Variants in WWOX observed in about 807,000 individuals in gnomAD.
WWOX encodes the protein WW domain containing oxidoreductase, also known as WW domain-containing oxidoreductase.
In WWOX, 69 loss-of-function variants were observed where a neutral mutation model predicts 46.2. That is an observed-to-expected ratio of 1.49 (90% CI 1.23 to 1.82). The LOEUF (loss-of-function observed/expected upper bound fraction) is 1.82, where lower values mean the gene tolerates loss of function less well. Ranked by LOEUF, WWOX falls within the 40% of genes most tolerant of loss-of-function variation. WWOX has a pLI of 0.00. For missense variants in WWOX, 919 were observed against 542.6 expected, an observed-to-expected ratio of 1.69 and a Z score of -6.89; for synonymous variants, 359 against 202.6, an observed-to-expected ratio of 1.77 and a Z score of -6.56.
chr16:78,216,657 C>A (rs191346815), intron 5 of WWOX, among the ~76,000 whole-genome samples: 1 of 149,708 alleles, frequency 6.7e-6, no homozygotes, highest in Non-Finnish European at 1.5e-5. Flanking sequence ...TCTTCTCCTG[C>A]TTTTTTTTTT....
intron 8 of WWOX, among the ~76,000 whole-genome samples, chr16:78,626,718 A>G (rs1410155969): frequency 6.6e-6 from 1 of 151,648 alleles, no homozygotes; most frequent in African/African-American, 2.4e-5. Flanking sequence ...TAATGTTCTC[A>G]CTCTTCGAGG....
chr16:78,733,488 C>A (rs1384562519), intron 8 of WWOX, among the ~76,000 whole-genome samples: 1 of 151,212 alleles, frequency 6.6e-6, no homozygotes, highest in Non-Finnish European at 1.5e-5. Context: ...TGGCTCATGC[C>A]TGTAATCCCA....
chr16:78,434,193 T>G (rs1346635298), intron 8 of WWOX, among the ~76,000 whole-genome samples: 1 of 150,454 alleles, frequency 6.6e-6, no homozygotes, highest in Admixed American at 6.6e-5. Context: ...TTAGGCAGAG[T>G]AAACAGACAT....
At chr16:78,179,346 T>C (rs989907553) in intron 5 of WWOX, among the ~76,000 whole-genome samples, 1 of 152,180 alleles carries the variant, frequency 6.6e-6, no homozygotes, top group African/African-American at 2.4e-5. Flanking sequence ...CATTTGGGTA[T>C]ATTGTGGTTG....
intron 8 of WWOX, among the ~76,000 whole-genome samples, chr16:79,132,566 T>C (rs2049901988): frequency 1.3e-5 from 2 of 152,216 alleles, no homozygotes; most frequent in South Asian, 4.1e-4. Context: ...AGCAGCAACC[T>C]TTCCATTTGC....
At chr16:78,362,504 G>A (rs2081432997) in intron 5 of WWOX, among the ~76,000 whole-genome samples, 1 of 152,082 alleles carries the variant, frequency 6.6e-6, no homozygotes, top group East Asian at 1.9e-4. Flanking sequence ...AGGTACTCGG[G>A]AGGCTGAGGC....
At chr16:79,103,311 C>G (rs2049240608) in intron 8 of WWOX, among the ~76,000 whole-genome samples, 1 of 152,190 alleles carries the variant, frequency 6.6e-6, no homozygotes, top group Non-Finnish European at 1.5e-5. Flanking sequence ...GACTGTTCTC[C>G]TCCCAGCACA....
intron 8 of WWOX, among the ~76,000 whole-genome samples, chr16:78,669,527 A>G (rs1385404023): frequency 6.6e-6 from 1 of 152,232 alleles, no homozygotes; most frequent in African/African-American, 2.4e-5. Context: ...TCCATAGGAC[A>G]GTACCTACCA....
At chr16:78,309,032 C>A (rs1474965533) in intron 5 of WWOX, among the ~76,000 whole-genome samples, 1 of 152,176 alleles carries the variant, frequency 6.6e-6, no homozygotes, top group Non-Finnish European at 1.5e-5. Flanking sequence ...AAAATCAGTC[C>A]TTTCTATTGA....
intron 8 of WWOX, among the ~76,000 whole-genome samples, chr16:78,977,746 G>A (rs904288275): frequency 3.9e-5 from 6 of 152,052 alleles, no homozygotes; most frequent in South Asian, 2.1e-4. Context: ...GTCTGTGACC[G>A]TCCTGAAGGA....
chr16:78,469,552 T>A (rs1251470302), intron 8 of WWOX, among the ~76,000 whole-genome samples: 1 of 152,124 alleles, frequency 6.6e-6, no homozygotes, highest in Non-Finnish European at 1.5e-5. Context: ...TGTCATGGGG[T>A]GTGCAGAAGG....
At chr16:79,200,997 T>G (rs547902884) in intron 8 of WWOX, among the ~76,000 whole-genome samples, 1 of 152,312 alleles carries the variant, frequency 6.6e-6, no homozygotes, top group Admixed American at 6.5e-5. Flanking sequence ...GAACTAGTAC[T>G]TGTTGTGTGC....
chr16:78,578,785 G>C (rs897472139), intron 8 of WWOX, among the ~76,000 whole-genome samples: 1 of 152,184 alleles, frequency 6.6e-6, no homozygotes, highest in East Asian at 1.9e-4. Flanking sequence ...TGAAAGCACG[G>C]TTTCCTGCGC....
In WWOX at chr16:78,392,718, G is replaced by T. The variant is rs539860555; in HGVS notation, c.605+5770G>T. 1.1e-4 allele frequency among the ~76,000 whole-genome samples: 17 copies of T among 152,180 alleles called. No homozygotes were observed. In the South Asian group the frequency reaches 3.5e-3, roughly 32 times the overall value. ...TAACTCAAGAGACTCAATCAACTTC[G>T]TGTTTAATGTTTTCGTAAGAATACT... On this transcript the variant is annotated intron_variant, in intron 6 of 8. Coordinates refer to ENST00000566780, the MANE Select transcript of WWOX (RefSeq NM_016373.4).
chr16:78,624,010 A>G (rs922774941), intron 8 of WWOX, among the ~76,000 whole-genome samples: 5 of 152,158 alleles, frequency 3.3e-5, no homozygotes, highest in Admixed American at 6.5e-5. Flanking sequence ...TGCACCATCC[A>G]CTTTATAGAT....
At chr16:78,596,681 G>T (rs896975003) in intron 8 of WWOX, among the ~76,000 whole-genome samples, 1 of 152,220 alleles carries the variant, frequency 6.6e-6, no homozygotes, top group Non-Finnish European at 1.5e-5. Context: ...GAAGCCAGCA[G>T]GGAGAATCAG....
intron 8 of WWOX, among the ~76,000 whole-genome samples, chr16:78,653,649 C>G (rs1257153247): frequency 6.6e-6 from 1 of 152,200 alleles, no homozygotes; most frequent in Non-Finnish European, 1.5e-5. Flanking sequence ...GAAAATGACC[C>G]TGTGTAGGAC....
At chr16:79,203,977 T>G (rs544968624) in intron 8 of WWOX, 1 of 152,302 alleles carries the variant, frequency 6.6e-6, no homozygotes, top group Non-Finnish European at 1.5e-5. Context: ...CCAGCAGTCC[T>G]TTAGCACGGG....
intron 8 of WWOX, among the ~76,000 whole-genome samples, chr16:78,443,651 A>G (rs7199023): frequency 0.38 from 57,915 of 152,052 alleles, 16,219 homozygotes; most frequent in African/African-American, 0.79. Flanking sequence ...TAGTATGTGT[A>G]ACAAATTATT....
Sources: gnomAD v4.1 joint callset for allele counts (sites outside exome capture counted in the v4.1 genomes callset) on GRCh38, gnomAD v4.1.1 for gene constraint, MANE v1.5 for transcripts, NCBI Gene and HGNC (gene_info 2026-07-23, HGNC 2026-07-21) for gene names.